EPHB2: variants seen among roughly 807,000 people sequenced by gnomAD.
The protein encoded by EPHB2 is ephrin type-B receptor 2.
In EPHB2, 18 loss-of-function variants were observed where a neutral mutation model predicts 96.4. The observed-to-expected ratio is 0.19, with a 90% confidence interval of 0.13 to 0.28. The LOEUF is 0.28. Ranked by LOEUF, EPHB2 falls within the 10% of genes least tolerant of loss-of-function variation. The pLI, the probability that EPHB2 is intolerant of heterozygous loss-of-function variation, is 1.00. For missense variants in EPHB2, 989 were observed against 1,355.4 expected (o/e 0.73, Z 4.25); for synonymous variants, 506 against 534.1 (o/e 0.95, Z 0.72).
Position 22,913,638 on chromosome 1 carries a change from T to C in EPHB2, c.*68T>C, listed in dbSNP as rs1043307185. 15 of 1,604,296 alleles carry C rather than the reference T, an allele frequency of 9.3e-6. No homozygotes were observed. Among genetic ancestry groups the C allele is most frequent in the African/African-American group, 2.7e-5 (2 of 74,736 alleles). ...CCTCTGCCCCACGTGCCGGCCCTCC[T>C]GGTGCTCTATCCACTGCAGGGCCAG... On this transcript the variant is annotated 3_prime_UTR_variant, in exon 16 of 16. Coordinates refer to ENST00000374630, the MANE Select transcript of EPHB2 (RefSeq NM_017449.5). The surrounding 1 kb of genome is among the most constrained non-coding windows in gnomAD (Gnocchi z 4.1).
In EPHB2 at chr1:22,916,998, T is replaced by C. The variant is rs1417084623; in HGVS notation, c.*3428T>C. The C allele has an allele frequency of 4.6e-5, 7 of 152,284 alleles. No individual in the cohort carries two copies. Among genetic ancestry groups the C allele is most frequent in the Non-Finnish European group, 1.0e-4 (7 of 68,138 alleles). The allele number at this position is 152,284 out of a possible 1,614,324, so 9.4% of individuals were successfully genotyped here. A position where few individuals can be genotyped will look rare whatever the true frequency, so the allele number is the denominator to read the frequency against. The stretch of plus-strand genomic sequence containing the variant: ...GAAGACTCGGGCAGACCAATCAGAA[T>C]AGATGATGGCCTGAGTGCTGGACCA... On this transcript the variant is annotated 3_prime_UTR_variant, in exon 16 of 16. Coordinates refer to ENST00000374630, the MANE Select transcript of EPHB2 (RefSeq NM_017449.5). This position sits in a 1 kb window ranked among gnomAD's most constrained non-coding sequence, Gnocchi z 4.2.
intron 1 of EPHB2, among the ~76,000 whole-genome samples, chr1:22,734,565 G>A (rs1338362519): frequency 6.6e-6 from 1 of 151,958 alleles, no homozygotes; most frequent in Non-Finnish European, 1.5e-5. Flanking sequence ...GGGATTACAG[G>A]TGTGCACCAC....
intron 1 of EPHB2, among the ~76,000 whole-genome samples, chr1:22,756,225 G>C (rs181512738): frequency 1.8e-4 from 28 of 152,250 alleles, no homozygotes; most frequent in African/African-American, 6.5e-4. Context: ...CGACAGGCAG[G>C]CCACGAGTAG....
rs1024283472 is a variant in EPHB2, at chr1:22,733,594, C to T, written c.61+22551C>T. Among the ~76,000 whole-genome samples, 2 of 152,172 alleles carry T rather than the reference C, an allele frequency of 1.3e-5. No homozygotes were observed. The highest frequency in any genetic ancestry group is 4.8e-5 in the African/African-American group (2 of 41,440). On this transcript the variant is annotated intron_variant, in intron 1 of 15. Transcript: ENST00000374630. This position sits in a 1 kb window ranked among gnomAD's most constrained non-coding sequence, Gnocchi z 4.6. ...ATGTGCCATGTTGCCATGCTGAATC[C>T]ACCACTGTGAGGCAGGATTATTATT...
In EPHB2 at chr1:22,836,245, A is replaced by G. The variant is rs150872524; in HGVS notation, c.812-26792A>G. On this transcript the variant is annotated intron_variant, in intron 3 of 15. Coordinates refer to ENST00000374630, the MANE Select transcript of EPHB2 (RefSeq NM_017449.5). ...TCCAAGAGAGAGCTCGGCTTGCACC[A>G]GGGTGGGGGAGAGCCGCTCATTCCT... Among the ~76,000 whole-genome samples the G allele has an allele frequency of 2.9e-3, 440 of 152,318 alleles. 2 individuals are homozygous for G. Among genetic ancestry groups the G allele is most frequent in the African/African-American group, 9.7e-3 (403 of 41,574 alleles).
chr1:22,823,434 G>A (rs1287762025), intron 3 of EPHB2, among the ~76,000 whole-genome samples: 2 of 152,172 alleles, frequency 1.3e-5, no homozygotes, highest in Non-Finnish European at 2.9e-5. Flanking sequence ...GGCCTTTAAG[G>A]AGGTTTGTGA....
At chr1:22,878,803 G>C (rs900013215) in intron 5 of EPHB2, among the ~76,000 whole-genome samples, 6 of 152,208 alleles carry the variant, frequency 3.9e-5, no homozygotes, top group African/African-American at 1.4e-4. Flanking sequence ...GGACTGGATG[G>C]GAGCGTCTTG....
intron 3 of EPHB2, among the ~76,000 whole-genome samples, chr1:22,823,834 A>G (rs1026926788): frequency 1.3e-5 from 2 of 152,226 alleles, no homozygotes; most frequent in Admixed American, 6.5e-5. Context: ...GTAGGTGTTC[A>G]TAGATATGTA....
At chr1:22,867,769 G>T (rs1638527840) in intron 5 of EPHB2, among the ~76,000 whole-genome samples, 1 of 152,196 alleles carries the variant, frequency 6.6e-6, no homozygotes, top group South Asian at 2.1e-4. Context: ...CTACTCGAGA[G>T]GCTGAGACAG....
At chr1:22,876,921 A>G (rs1350909212) in intron 5 of EPHB2, among the ~76,000 whole-genome samples, 2 of 152,292 alleles carry the variant, frequency 1.3e-5, no homozygotes, top group African/African-American at 2.4e-5. Flanking sequence ...AGCTGCCTGT[A>G]ACCCAAGCCT....
intron 3 of EPHB2, among the ~76,000 whole-genome samples, chr1:22,796,566 C>A (rs780772231): frequency 3.2e-4 from 49 of 152,250 alleles, no homozygotes; most frequent in Non-Finnish European, 5.9e-4. Flanking sequence ...CTGTCCCCCC[C>A]ATCCCCCAAA....
At chr1:22,878,825 G>C (rs7528104) in intron 5 of EPHB2, among the ~76,000 whole-genome samples, 7,072 of 152,342 alleles carry the variant, frequency 0.046, 545 homozygotes, top group African/African-American at 0.16. Flanking sequence ...CCTGGGCACT[G>C]TGCGGGTCTA....
chr1:22,889,993 G>A (rs540247069), intron 6 of EPHB2, among the ~76,000 whole-genome samples: 5 of 152,342 alleles, frequency 3.3e-5, no homozygotes, highest in Admixed American at 1.3e-4. Flanking sequence ...AAGGAAGGGG[G>A]AAAGAGTTAG....
Position 22,915,579 on chromosome 1 carries a change from G to A in EPHB2, c.*2009G>A, listed in dbSNP as rs2869056. 71,821 of 151,948 alleles carry A rather than the reference G, an allele frequency of 0.47. 17,201 individuals carry two copies. Among genetic ancestry groups the A allele is most frequent in the Non-Finnish European group, 0.5 (34,297 of 67,936 alleles). The allele number at this position is 151,948 out of a possible 1,614,324, so 9.4% of individuals were successfully genotyped here. A position where few individuals can be genotyped will look rare whatever the true frequency, so the allele number is the denominator to read the frequency against. On this transcript the variant is annotated 3_prime_UTR_variant, in exon 16 of 16. Transcript: ENST00000374630. ...CAGCCTTCGATGCCCTGGGAATCAG[G>A]GTGAGCCCCTGCAGGTACATAAGTA...
intron 1 of EPHB2, among the ~76,000 whole-genome samples, chr1:22,762,023 C>T (rs1240292688): frequency 1.3e-5 from 2 of 152,250 alleles, no homozygotes; most frequent in Non-Finnish European, 2.9e-5. Context: ...AATTGAAGCA[C>T]ATTAAAAATA....
Position 22,906,736 on chromosome 1 carries a change from C to T in EPHB2, c.1915C>T (p.His639Tyr). 6.2e-7 allele frequency: 1 copy of T among 1,614,132 alleles called. No individual in the cohort carries two copies. The highest frequency in any genetic ancestry group is 8.5e-7 in the Non-Finnish European group (1 of 1,180,038). Residue 639 changes from histidine (H) to tyrosine (Y), a missense_variant, in exon 11 of 16, where the codon CAC becomes TAC. Physicochemically the swap from His to Tyr is moderately conservative, Grantham distance 83 (BLOSUM62 2). Transcript: ENST00000374630. This position sits in a 1 kb window ranked among gnomAD's most constrained non-coding sequence, Gnocchi z 4.8. The part of the protein sequence containing the change: ...AGEFGEVCSG[H>Y]LKLPGKREIF... Reference sequence around the variant, plus strand: ...GGAGTTTGGCGAGGTCTGCAGTGGCCACCTGAAGCTGCCAGGCAAGAGAGA... The same window carrying T: ...GGAGTTTGGCGAGGTCTGCAGTGGCTACCTGAAGCTGCCAGGCAAGAGAGA...
chr1:22,874,608 T>C (rs1434236742), intron 5 of EPHB2, among the ~76,000 whole-genome samples: 4 of 152,160 alleles, frequency 2.6e-5, no homozygotes, highest in Non-Finnish European at 5.9e-5. Flanking sequence ...ATCCTGTCGG[T>C]CTCTTCCTTT....
chr1:22,786,453 T>C (rs2148427503), intron 3 of EPHB2, among the ~76,000 whole-genome samples: 1 of 152,306 alleles, frequency 6.6e-6, no homozygotes, highest in Admixed American at 6.5e-5. Context: ...GGTTAAAGGT[T>C]TGGACCCTAA....
chr1:22,832,154 G>A (rs1200630569), intron 3 of EPHB2, among the ~76,000 whole-genome samples: 2 of 152,134 alleles, frequency 1.3e-5, no homozygotes, highest in Non-Finnish European at 2.9e-5. Context: ...GGGTGCAACA[G>A]CAGGAATAGC....
Sources: gnomAD v4.1 joint callset for allele counts (sites outside exome capture counted in the v4.1 genomes callset) on GRCh38, gnomAD v4.1.1 for gene constraint, Gnocchi (gnomAD v3.1) non-coding constraint, MANE v1.5 for transcripts, NCBI Gene and HGNC (gene_info 2026-07-23, HGNC 2026-07-21) for gene names.